The following CDYL variants were observed in gnomAD, a reference collection of about 807,000 sequenced individuals.
The protein encoded by CDYL is chromodomain Y-like protein.
In CDYL, 8 loss-of-function variants were observed where a neutral mutation model predicts 47.3. The observed-to-expected ratio is 0.17, with a 90% CI of 0.10 to 0.31. CDYL has a LOEUF of 0.31. Among genes scored for constraint, CDYL ranks in the 10% least tolerant of loss-of-function variants. The pLI, the probability that CDYL is intolerant of heterozygous loss-of-function variation, is 1.00. For synonymous variants in CDYL, 266 were observed against 265.0 expected (o/e 1.00, Z -0.04); for missense variants, 471 against 701.4 (o/e 0.67, Z 3.71).
chr6:4,892,046 A>G lies in CDYL; in HGVS notation c.358A>G (p.Arg120Gly), dbSNP rs759040134. Residue 120 changes from arginine (R) to glycine (G), a missense_variant, in exon 2 of 7, where the codon AGG (arginine) becomes GGG (glycine). This residue lies in a region of CDYL where 311 missense variants were observed against 350.0 expected (regional missense o/e 0.89). Coordinates refer to ENST00000397588, the MANE Select transcript of CDYL (RefSeq NM_004824.4). ...SQLFAASQKF[R>G]KNTAPSLSSR... is the part of the protein sequence containing the mutation. ...GCTGTTTGCTGCCAGCCAGAAGTTC[A>G]GGAAGAACACAGCTCCATCTCTCTC... is the stretch of plus-strand genomic sequence containing the variant. The G allele has an allele frequency of 6.8e-6, 11 of 1,614,136 alleles. No individual in the cohort carries two copies. The highest frequency in any genetic ancestry group is 9.3e-6 in the Non-Finnish European group (11 of 1,180,050).
chr6:4,708,394 A>C (rs1331794482), intron 1 of CDYL, among the ~76,000 whole-genome samples: 1 of 152,138 alleles, frequency 6.6e-6, no homozygotes, highest in Non-Finnish European at 1.5e-5. Context: ...TCCTGGTCTC[A>C]AGTGATCTGC....
intron 3 of CDYL, among the ~76,000 whole-genome samples, chr6:4,750,636 C>T (rs771215473): frequency 6.6e-5 from 10 of 151,946 alleles, no homozygotes; most frequent in South Asian, 2.1e-4. Context: ...CACTGCACAA[C>T]GACAACAATC....
intron 1 of CDYL, among the ~76,000 whole-genome samples, chr6:4,794,233 C>T (rs562050535): frequency 6.6e-6 from 1 of 152,036 alleles, no homozygotes; most frequent in Non-Finnish European, 1.5e-5. Flanking sequence ...TGAGAAGAGA[C>T]GTGGCCAGAG....
chr6:4,779,434 C>T (rs1297802808), intron 1 of CDYL, among the ~76,000 whole-genome samples: 1 of 152,156 alleles, frequency 6.6e-6, no homozygotes, highest in Non-Finnish European at 1.5e-5. Context: ...AACTGCTGAG[C>T]CTTGGTTTTC....
chr6:4,745,152 G>T (rs1486497401), intron 3 of CDYL, among the ~76,000 whole-genome samples: 1 of 152,080 alleles, frequency 6.6e-6, no homozygotes, highest in Non-Finnish European at 1.5e-5. Flanking sequence ...TGTAGACGAG[G>T]TCTCACTATG....
At chr6:4,844,629 T>G (rs1369797125) in intron 1 of CDYL, among the ~76,000 whole-genome samples, 2 of 152,234 alleles carry the variant, frequency 1.3e-5, no homozygotes, top group African/African-American at 4.8e-5. Context: ...GTTTCTGAGA[T>G]TCTCATAAAA....
chr6:4,951,991 G>GAGTCCCTGTA (rs1758718425), intron 5 of CDYL, among the ~76,000 whole-genome samples: 1 of 152,090 alleles, frequency 6.6e-6, no homozygotes, highest in Non-Finnish European at 1.5e-5. Flanking sequence ...TTTCTTTATT[G>GAGTCCCTGTA]AGTCCCTGTA....
intron 3 of CDYL, among the ~76,000 whole-genome samples, chr6:4,753,512 T>A (rs931637545): frequency 6.6e-6 from 1 of 152,184 alleles, no homozygotes; most frequent in African/African-American, 2.4e-5. Context: ...ATGCAAATTC[T>A]CCACTCTGCT....
intron 2 of CDYL, among the ~76,000 whole-genome samples, chr6:4,731,437 C>T (rs1757603002): frequency 1.3e-5 from 2 of 152,140 alleles, no homozygotes; most frequent in Admixed American, 1.3e-4. Context: ...GGGTCTATGT[C>T]AGGTGCCCCT....
Position 4,895,149 on chromosome 6 carries a change from A to G in CDYL, c.691+2770A>G, listed in dbSNP as rs563669622. ...TATGTGCATGTGTGTATATGTATCT[A>G]TACACATACATGTACATATGTGTAT... On this transcript the variant is annotated intron_variant, in intron 2 of 6. Coordinates refer to ENST00000397588, the MANE Select transcript of CDYL (RefSeq NM_004824.4). 1.5e-3 allele frequency among the ~76,000 whole-genome samples: 182 copies of G among 124,166 alleles called. 1 individual carries two copies. Among genetic ancestry groups the G allele is most frequent in the Non-Finnish European group, 2.3e-3 (126 of 55,974 alleles). 81.5% of individuals were successfully genotyped at this position (124,166 alleles called of 152,430 possible). A position where few individuals can be genotyped will look rare whatever the true frequency, so the allele number is the denominator to read the frequency against.
At chr6:4,922,972 C>T (rs1757761787) in intron 2 of CDYL, among the ~76,000 whole-genome samples, 1 of 152,072 alleles carries the variant, frequency 6.6e-6, no homozygotes, top group South Asian at 2.1e-4. Flanking sequence ...TTTTACTCAA[C>T]ACTTATGTAC....
chr6:4,876,154 A>G (rs1466074791), intron 1 of CDYL, among the ~76,000 whole-genome samples: 2 of 152,150 alleles, frequency 1.3e-5, no homozygotes, highest in Non-Finnish European at 2.9e-5. Context: ...TGTTGTTTAT[A>G]CAGTAGTTTT....
At chr6:4,771,495 A>G (rs1217157225), upstream of CDYL, among the ~76,000 whole-genome samples, 1 of 152,190 alleles carries the variant, frequency 6.6e-6, no homozygotes, top group African/African-American at 2.4e-5. Context: ...CTTCTACACT[A>G]GACAATACTA....
rs1054600823 is a variant in CDYL, at chr6:4,843,379, C to T, written c.25-48334C>T. ...TGTCTAGATCTCTGTCTAGCAAGGC[C>T]GGGGAAGTTTTCCTCAATTATTCCC... On this transcript the variant is annotated intron_variant, in intron 1 of 6. Transcript: ENST00000397588. 1.1e-4 allele frequency among the ~76,000 whole-genome samples: 16 copies of T among 152,016 alleles called. No individual in the cohort carries two copies. The East Asian group carries it at 1.3e-3, about 13-fold the overall frequency.
intron 3 of CDYL, among the ~76,000 whole-genome samples, chr6:4,752,923 GA>G (rs1709137118): frequency 6.7e-6 from 1 of 149,412 alleles, no homozygotes; most frequent in Non-Finnish European, 1.5e-5. Flanking sequence ...TAGATAGATA[GA>G]TTTTTTTTTT....
chr6:4,875,219 T>TCTA (rs778426580), intron 1 of CDYL, among the ~76,000 whole-genome samples: 9 of 152,210 alleles, frequency 5.9e-5, no homozygotes, highest in Non-Finnish European at 1.2e-4. Flanking sequence ...GCCACTGTAG[T>TCTA]AAGACTTGAA....
chr6:4,714,931 G>C (rs764755302), intron 1 of CDYL: 1 of 152,166 alleles, frequency 6.6e-6, no homozygotes, highest in East Asian at 1.9e-4. Context: ...TGTTATAATA[G>C]TTTTAAATTT....
chr6:4,805,298 A>G (rs1419355247), intron 1 of CDYL, among the ~76,000 whole-genome samples: 1 of 152,192 alleles, frequency 6.6e-6, no homozygotes, highest in Non-Finnish European at 1.5e-5. Flanking sequence ...GGGGAAAAAA[A>G]AGCATATGCT....
chr6:4,746,025 G>C (rs1208512390), intron 3 of CDYL, among the ~76,000 whole-genome samples: 1 of 152,210 alleles, frequency 6.6e-6, no homozygotes, highest in Non-Finnish European at 1.5e-5. Flanking sequence ...ATCCTAGCGA[G>C]ATAAATGTTA....
Sources: allele counts gnomAD v4.1 joint callset (sites outside exome capture counted in the v4.1 genomes callset), GRCh38; gene constraint gnomAD v4.1.1; regional missense constraint gnomAD v4.1.1; transcripts MANE v1.5; gene names NCBI Gene and HGNC (gene_info 2026-07-23, HGNC 2026-07-21).